The following DYNC2H1 variants were observed in gnomAD, a reference collection of about 807,000 sequenced individuals.
DYNC2H1 encodes cytoplasmic dynein 2 heavy chain 1.
A neutral mutation model predicts 570.0 loss-of-function variants in DYNC2H1; 410 were observed. The ratio of observed to expected loss-of-function variants is 0.72; its 90% CI spans 0.66 to 0.78. The LOEUF is 0.78. Ranked by LOEUF, DYNC2H1 falls within the 30% of genes least tolerant of loss-of-function variation. The pLI is 0.00. For missense variants in DYNC2H1, 4,865 were observed against 5,046.4 expected, an observed-to-expected ratio of 0.96 and a Z score of 1.09; for synonymous variants, 1,688 against 1,677.6, an observed-to-expected ratio of 1.01 and a Z score of -0.15.
chr11:103,455,416 GTTATT>G, intron 86 of DYNC2H1, 121 bp downstream of exon 86: 2 of 775,094 alleles, frequency 2.6e-6, no homozygotes, highest in East Asian at 2.7e-5. Flanking sequence ...ACACAGTTAT[GTTATT>G]TTCTTATTCT....
chr11:103,189,082 A>G lies in DYNC2H1; in HGVS notation c.7292+434A>G, dbSNP rs1591381098. On this transcript the variant is annotated intron_variant, in intron 44 of 88. Transcript: ENST00000375735. The surrounding 1 kb of genome is among the most constrained non-coding windows in gnomAD (Gnocchi z 4.3). The stretch of plus-strand genomic sequence containing the variant: ...TCAATGCTAATCATCTCCACGGGCC[A>G]TAATTACAGAGACTATGGCAATATC... 1.3e-5 allele frequency among the ~76,000 whole-genome samples: 2 copies of G among 152,130 alleles called. No homozygotes were observed. The highest frequency in any genetic ancestry group is 2.1e-4 in the South Asian group (1 of 4,828).
rs775895568 is a variant in DYNC2H1 at position 103,201,018 on chromosome 11, G to A, written c.8197+864G>A. On this transcript the variant is annotated intron_variant, in intron 50 of 88. Transcript: ENST00000375735. The surrounding 1 kb of genome is among the most constrained non-coding windows in gnomAD (Gnocchi z 4.8). ...ATTTTTGTAATTTTAGTAGAAACAG[G>A]GTTTCACCATGTTGGCCAGGATGGT... Among the ~76,000 whole-genome samples, 1 of 151,984 alleles carries A rather than the reference G, an allele frequency of 6.6e-6. No individual in the cohort carries two copies. Among genetic ancestry groups the A allele is most frequent in the Admixed American group, 6.6e-5 (1 of 15,256 alleles).
At position 103,156,691 on chromosome 11, in the gene DYNC2H1, G is replaced by C. The variant is rs1565350990; in HGVS notation, c.4048G>C (p.Val1350Leu). 1 of 1,613,264 alleles carries C rather than the reference G, an allele frequency of 6.2e-7. No homozygotes were observed. The highest frequency in any genetic ancestry group is 8.5e-7 in the Non-Finnish European group (1 of 1,179,644). The change falls in exon 26 of 89, where the codon GTG (valine) becomes CTG (leucine). Residue 1350 changes from valine (V) to leucine (L), a missense_variant. Physicochemically the swap from Val to Leu is conservative, Grantham distance 32 (BLOSUM62 1). Coordinates refer to ENST00000375735, the MANE Select transcript of DYNC2H1 (RefSeq NM_001377.3). ...TTTAAATCATATTCAGAGAAAGTGGGTGTATTTGGAACCCATTTTCGGCCG... is the reference window on the plus strand; with the variant it reads ...TTTAAATCATATTCAGAGAAAGTGGCTGTATTTGGAACCCATTTTCGGCCG... ...QNLNHIQRKWVYLEPIFGRGA... is the reference protein window; with the variant it reads ...QNLNHIQRKWLYLEPIFGRGA...
Position 103,468,407 on chromosome 11 carries a change from G to A in DYNC2H1, c.12649-182G>A, listed in dbSNP as rs554353533. 35 of 445,098 alleles carry A rather than the reference G, an allele frequency of 7.9e-5. 1 individual carries two copies. The highest frequency in any genetic ancestry group is 7.0e-4 in the African/African-American group (35 of 50,078). The allele number at this position is 445,098 out of a possible 1,614,324, so 27.6% of individuals were successfully genotyped here. On this transcript the variant is annotated intron_variant, in intron 87 of 88. Coordinates refer to ENST00000375735, the MANE Select transcript of DYNC2H1 (RefSeq NM_001377.3). ...AAAATGAGAAATCAGTCTCAAAGAA[G>A]TTGACAGTGAACACTAGTCCAGGCC...
chr11:103,453,204 C>T (rs1010340906), intron 85 of DYNC2H1, among the ~76,000 whole-genome samples: 1 of 151,950 alleles, frequency 6.6e-6, no homozygotes, highest in African/African-American at 2.4e-5. Flanking sequence ...GGGCATAGCC[C>T]ATAACTTAGA....
chr11:103,171,356 A>G lies in DYNC2H1; in HGVS notation c.5334+288A>G, dbSNP rs562447683. ...CTGCCACCTCTGCCTCCCAGGTTCA[A>G]GCGATTCTCCTGCCTTAGCCTCCTG... On this transcript the variant is annotated intron_variant, in intron 34 of 88. Coordinates refer to ENST00000375735, the MANE Select transcript of DYNC2H1 (RefSeq NM_001377.3). Among the ~76,000 whole-genome samples the G allele has an allele frequency of 3.8e-4, 58 of 152,016 alleles. 2 individuals carry two copies. The South Asian group carries it at 0.012, about 31-fold the overall frequency.
rs752196931 is a variant in DYNC2H1, at chr11:103,215,806, C to G, written c.8780C>G (p.Thr2927Arg). Residue 2927 changes from threonine to arginine, a missense_variant, in exon 55 of 89, where the codon ACG (threonine) becomes AGG (arginine). This residue lies in a region of DYNC2H1 where 2,401 missense variants were observed against 2,454.6 expected (regional missense o/e 0.98). Transcript: ENST00000375735. ...GGAGAACAAAGTGTGTTACTTAAAA[C>G]GAAGCAAGATGAAGCAGATGCTGCC... Reference protein sequence around the residue: ...KAGEQSVLLKTKQDEADAALQ... With the variant: ...KAGEQSVLLKRKQDEADAALQ... The G allele has an allele frequency of 1.9e-6, 3 of 1,612,314 alleles. No homozygotes were observed. Among genetic ancestry groups the G allele is most frequent in the Non-Finnish European group, 2.5e-6 (3 of 1,179,156 alleles).
chr11:103,296,324 T>C (rs1866824506), intron 75 of DYNC2H1, among the ~76,000 whole-genome samples: 1 of 152,148 alleles, frequency 6.6e-6, no homozygotes, highest in Non-Finnish European at 1.5e-5. Flanking sequence ...CTGAAGTAGT[T>C]GGAAAAAAAG....
rs776315442 is a variant in DYNC2H1 at position 103,316,576 on chromosome 11, C to G, written c.11681C>G (p.Ser3894Ter). 5.8e-6 allele frequency: 9 copies of G among 1,560,556 alleles called. No homozygotes were observed. The South Asian group carries it at 1.1e-4, about 19-fold the overall frequency. ...GWTKFYEFSL[S>*]DLRAGYNIID... ...ACAAAGTTTTATGAATTTTCTTTAT[C>G]AGATCTTCGGGCTGGGTACAACATT... The change falls in exon 80 of 89, where the codon TCA becomes TGA. Residue 3894 changes from serine to a stop codon, truncating the protein, a stop_gained. Coordinates refer to ENST00000375735, the MANE Select transcript of DYNC2H1 (RefSeq NM_001377.3). LOFTEE classifies it high-confidence loss of function.
intron 75 of DYNC2H1, among the ~76,000 whole-genome samples, chr11:103,300,023 AAAAG>A (rs1377681294): frequency 1.9e-4 from 29 of 152,012 alleles, no homozygotes; most frequent in African/African-American, 5.6e-4. Context: ...GTTTTCTCAT[AAAAG>A]AAAGGTAATT....
In DYNC2H1 at chr11:103,122,807, G is replaced by A. The variant is rs767637878; in HGVS notation, c.1486-18G>A. ...TGGAATTTAAATAATGCACATGTCT[G>A]TAATTTGGCTTTTTAAGGTAGATGA... On this transcript the variant is annotated intron_variant, in intron 10 of 88. Coordinates refer to ENST00000375735, the MANE Select transcript of DYNC2H1 (RefSeq NM_001377.3). 8.1e-6 allele frequency: 13 copies of A among 1,602,214 alleles called. No individual in the cohort carries two copies. The highest frequency in any genetic ancestry group is 3.4e-5 in the Admixed American group (2 of 59,360).
intron 84 of DYNC2H1, among the ~76,000 whole-genome samples, chr11:103,426,894 T>C (rs1198469729): frequency 6.6e-6 from 1 of 152,178 alleles, no homozygotes; most frequent in Non-Finnish European, 1.5e-5. Flanking sequence ...TATTGAAATA[T>C]TTTTGTGCCA....
chr11:103,292,205 T>C (rs1866642154), intron 75 of DYNC2H1, among the ~76,000 whole-genome samples: 1 of 151,956 alleles, frequency 6.6e-6, no homozygotes, highest in African/African-American at 2.4e-5. Context: ...ATAAGTGATC[T>C]TCTCTGGTAG....
At chr11:103,397,214 G>C (rs1470241420) in intron 83 of DYNC2H1, among the ~76,000 whole-genome samples, 1 of 152,118 alleles carries the variant, frequency 6.6e-6, no homozygotes, top group Admixed American at 6.5e-5. Context: ...TAATGATTTT[G>C]TCTGTATACA....
chr11:103,457,050 A>C (rs1310062767), intron 87 of DYNC2H1, among the ~76,000 whole-genome samples: 4 of 152,206 alleles, frequency 2.6e-5, no homozygotes, highest in African/African-American at 9.6e-5. Flanking sequence ...TGGTTCCATA[A>C]AATTATAATG....
At chr11:103,347,766 A>T (rs1199018299) in intron 82 of DYNC2H1, among the ~76,000 whole-genome samples, 1 of 152,094 alleles carries the variant, frequency 6.6e-6, no homozygotes. Context: ...ACTTTTCTCC[A>T]AAAAAGTCTT....
At chr11:103,399,327 T>TTTTTTG (rs55702463) in intron 83 of DYNC2H1, among the ~76,000 whole-genome samples, 20 of 136,388 alleles carry the variant, frequency 1.5e-4, no homozygotes, top group African/African-American at 5.6e-4. Context: ...TTTTTTTTTT[T>TTTTTTG]GTATTTTTAG....
intron 39 of DYNC2H1, 148 bp downstream of exon 39, chr11:103,179,381 T>G (rs779475914): frequency 3.1e-6 from 2 of 652,906 alleles, no homozygotes; most frequent in Non-Finnish European, 4.6e-6. Context: ...TTTAATTAAT[T>G]CAGAGAGTTC....
chr11:103,393,069 A>G (rs1942240036), intron 83 of DYNC2H1, among the ~76,000 whole-genome samples: 1 of 152,118 alleles, frequency 6.6e-6, no homozygotes, highest in South Asian at 2.1e-4. Context: ...TTTTTAGTAG[A>G]GACGGGGTTT....
Sources: allele counts gnomAD v4.1 joint callset (sites outside exome capture counted in the v4.1 genomes callset), GRCh38; gene constraint gnomAD v4.1.1; regional missense constraint gnomAD v4.1.1; non-coding constraint Gnocchi (gnomAD v3.1); transcripts MANE v1.5; gene names NCBI Gene and HGNC (gene_info 2026-07-23, HGNC 2026-07-21).